Variants in PLA2G2A observed in about 807,000 individuals in gnomAD.
PLA2G2A encodes the protein phospholipase A2 group IIA.
In PLA2G2A, 6 loss-of-function variants were observed where a neutral mutation model predicts 11.2. The observed-to-expected ratio is 0.54, with a 90% CI of 0.29 to 1.06. The LOEUF (loss-of-function observed/expected upper bound fraction) is 1.06. PLA2G2A is among the 50% of genes least tolerant of loss of function. The pLI, the probability that PLA2G2A is intolerant of heterozygous loss-of-function variation, is 0.08. For missense variants in PLA2G2A, 133 were observed against 177.1 expected (o/e 0.75, Z 1.41); for synonymous variants, 69 against 65.8 (o/e 1.05, Z -0.23).
chr1:19,978,804 G>A (rs1444896825), exon 2 of PLA2G2A: 2 of 1,611,902 alleles, frequency 1.2e-6, no homozygotes, highest in African/African-American at 1.3e-5. Context: ...AAATGCAGAT[G>A]GACTGGCCTA....
chr1:19,978,299 C>T, intron 3 of PLA2G2A, 81 bp downstream of exon 3: 1 of 1,543,202 alleles, frequency 6.5e-7, no homozygotes, highest in Non-Finnish European at 8.9e-7. Flanking sequence ...CTGCGCCCAT[C>T]AGGAACCGGC....
Position 19,978,129 on chromosome 1 carries a change from G to C in PLA2G2A, c.186-8C>G, listed in dbSNP as rs772752135. On this transcript the variant is annotated splice_polypyrimidine_tract_variant and splice_region_variant and intron_variant, in intron 3 of 4. Coordinates refer to ENST00000482011, the Ensembl canonical transcript of PLA2G2A. ...TCATGAGTGACACAGCAGCTGTGAG[G>C]AGACACCCTGTTGGGGCTCTTGTCC... The C allele has an allele frequency of 6.3e-7, 1 of 1,596,826 alleles. No homozygotes were observed.
intron 3 of PLA2G2A, 97 bp downstream of exon 3, chr1:19,978,283 A>C (rs1230997691): frequency 2.0e-6 from 3 of 1,482,896 alleles, no homozygotes; most frequent in Non-Finnish European, 2.8e-6. Context: ...GGCCATCCTG[A>C]GACCTCTGCG....
chr1:19,975,752 C>T, exon 5 of PLA2G2A: 2 of 1,613,600 alleles, frequency 1.2e-6, no homozygotes, highest in Non-Finnish European at 1.7e-6. Flanking sequence ...AGTACTGGTA[C>T]TTTTTATTGT....
At chr1:19,977,733 T>C (rs2046239689) in intron 4 of PLA2G2A, among the ~76,000 whole-genome samples, 1 of 152,230 alleles carries the variant, frequency 6.6e-6, no homozygotes, top group Non-Finnish European at 1.5e-5. Flanking sequence ...GAATGCTCCC[T>C]CCTCTTCCCT....
At chr1:19,976,658 C>T (rs955587) in intron 4 of PLA2G2A, among the ~76,000 whole-genome samples, 15,115 of 152,156 alleles carry the variant, frequency 0.099, 1,006 homozygotes, top group South Asian at 0.18. Flanking sequence ...GGCAGGAGTC[C>T]ACGCTTTTTC....
At chr1:19,978,975 A>ACG (rs879049362) in intron 1 of PLA2G2A, 96 bp from the exon 2 acceptor site, 556 of 32,186 alleles carry the variant, frequency 0.017, 8 homozygotes, top group Non-Finnish European at 0.029. Flanking sequence ...CCAGCAATGC[A>ACG]CACACACACA....
At chr1:19,977,895 C>A in intron 4 of PLA2G2A, 120 bp downstream of exon 4, 1 of 749,000 alleles carries the variant, frequency 1.3e-6, no homozygotes, top group Non-Finnish European at 2.5e-6. Context: ...GCTTCCCACT[C>A]AACCGTGAGC....
At chr1:19,978,191 C>T in intron 3 of PLA2G2A, 70 bp from the exon 4 acceptor site, 1 of 1,364,448 alleles carries the variant, frequency 7.3e-7, no homozygotes, top group Non-Finnish European at 1.0e-6. Flanking sequence ...TGGTCTCACC[C>T]CCTTGGACCC....
At chr1:19,980,075 A>T (rs936476184), upstream of PLA2G2A, among the ~76,000 whole-genome samples, 10 of 152,204 alleles carry the variant, frequency 6.6e-5, no homozygotes. Flanking sequence ...TCATTCATTC[A>T]GCCGCTCAAT....
rs11573159 is a variant in PLA2G2A, at chr1:19,979,018, T to C, written c.-106-139A>G. 280 of 558,794 alleles carry C rather than the reference T, an allele frequency of 5.0e-4. 1 individual carries two copies. The South Asian group carries it at 5.4e-3, about 11-fold the overall frequency. The allele number at this position is 558,794 out of a possible 1,614,324, so 34.6% of individuals were successfully genotyped here. A position where few individuals can be genotyped will look rare whatever the true frequency, so the allele number is the denominator to read the frequency against. On this transcript the variant is annotated intron_variant, in intron 1 of 4. Coordinates refer to ENST00000482011, the Ensembl canonical transcript of PLA2G2A. ...ACACACACAACCACCTCCTGACCCG[T>C]TCCCAGCTCTGCAGAATGGTTTCAC...
At chr1:19,976,285 G>C (rs1227568764) in intron 4 of PLA2G2A, among the ~76,000 whole-genome samples, 2 of 152,190 alleles carry the variant, frequency 1.3e-5, no homozygotes, top group South Asian at 2.1e-4. Context: ...TTCTGGGAAC[G>C]ATCTATTTCC....
chr1:19,980,138 G>T (rs1002108175), upstream of PLA2G2A, among the ~76,000 whole-genome samples: 5 of 152,158 alleles, frequency 3.3e-5, no homozygotes, highest in African/African-American at 9.7e-5. Flanking sequence ...CAGCACCTGT[G>T]CAGGCCTCAC....
chr1:19,976,234 T>TG, intron 4 of PLA2G2A, among the ~76,000 whole-genome samples: 1 of 152,336 alleles, frequency 6.6e-6, no homozygotes, highest in South Asian at 2.1e-4. Context: ...CATGTAACCT[T>TG]GTTCCAACCA....
At chr1:19,975,595 T>G, downstream of PLA2G2A, 1 of 1,033,666 alleles carries the variant, frequency 9.7e-7, no homozygotes, top group Non-Finnish European at 1.5e-6. Context: ...CTAGGATGGG[T>G]GAGGGATGCT....
upstream of PLA2G2A, chr1:19,979,859 T>C (rs1217175120): frequency 6.6e-6 from 1 of 152,202 alleles, no homozygotes; most frequent in African/African-American, 2.4e-5. Context: ...AGTCTTTCCA[T>C]GGAGTAAATT....
intron 4 of PLA2G2A, among the ~76,000 whole-genome samples, 170 bp downstream of exon 4, chr1:19,977,845 C>T (rs1460430674): frequency 6.6e-6 from 1 of 152,188 alleles, no homozygotes; most frequent in African/African-American, 2.4e-5. Context: ...TTGTTTACTT[C>T]CCACTGGAGT....
chr1:19,975,610 G>T (rs2100407069), downstream of PLA2G2A: 5 of 1,223,484 alleles, frequency 4.1e-6, no homozygotes, highest in Middle Eastern at 2.5e-4. Flanking sequence ...GATGCTTTCT[G>T]CATGGCCAAG....
chr1:19,978,307 G>T, intron 3 of PLA2G2A, 73 bp downstream of exon 3: 1 of 1,561,762 alleles, frequency 6.4e-7, no homozygotes, highest in South Asian at 1.1e-5. Flanking sequence ...ATCAGGAACC[G>T]GCACTGTCTT....
Sources: allele counts gnomAD v4.1 joint callset (sites outside exome capture counted in the v4.1 genomes callset), GRCh38; gene constraint gnomAD v4.1.1; transcripts MANE v1.5; gene names NCBI Gene and HGNC (gene_info 2026-07-23, HGNC 2026-07-21).